The following STEAP1B variants were observed in gnomAD, a reference collection of about 807,000 sequenced individuals.
The protein encoded by STEAP1B is STEAP family member 1B.
In STEAP1B, 13 loss-of-function variants were observed where a neutral mutation model predicts 27.9. The observed-to-expected ratio is 0.47, with a 90% CI of 0.30 to 0.74. The LOEUF (loss-of-function observed/expected upper bound fraction) is 0.74. Ranked by LOEUF, STEAP1B falls within the 30% of genes least tolerant of loss-of-function variation. The pLI is 0.06. For synonymous variants in STEAP1B, 86 were observed against 107.1 expected (o/e 0.80, Z 1.22); for missense variants, 250 against 298.7 (o/e 0.84, Z 1.20).
chr7:22,464,352 T>C (rs1327019543), intron 4 of STEAP1B, among the ~76,000 whole-genome samples: 1 of 152,134 alleles, frequency 6.6e-6, no homozygotes, highest in East Asian at 1.9e-4. Context: ...TGGACAGCTG[T>C]TCGGGTTTAC....
chr7:22,440,685 GCAGA>G (rs1219097394), intron 4 of STEAP1B, among the ~76,000 whole-genome samples: 2 of 152,008 alleles, frequency 1.3e-5, no homozygotes, highest in Non-Finnish European at 2.9e-5. Flanking sequence ...AAATAATATG[GCAGA>G]CAGTTTTATT....
intron 4 of STEAP1B, among the ~76,000 whole-genome samples, chr7:22,475,193 T>C (rs996713914): frequency 2.0e-5 from 3 of 152,192 alleles, no homozygotes; most frequent in Non-Finnish European, 2.9e-5. Context: ...CTGGCCTGCG[T>C]GTGGCTGCTC....
chr7:22,420,476 G>A (rs2128397534), intron 4 of STEAP1B, among the ~76,000 whole-genome samples: 1 of 152,328 alleles, frequency 6.6e-6, no homozygotes, highest in Non-Finnish European at 1.5e-5. Flanking sequence ...TTCACATTCA[G>A]GGAAGTCACA....
chr7:22,453,269 G>C (rs931804437), intron 4 of STEAP1B, among the ~76,000 whole-genome samples: 5 of 152,336 alleles, frequency 3.3e-5, no homozygotes, highest in Admixed American at 3.3e-4. Context: ...AAGGTCTCAT[G>C]ATGTGCAGAA....
rs74527540 is a variant in STEAP1B, at chr7:22,446,381, C to T, written c.763-26545G>A. Among the ~76,000 whole-genome samples, 459 of 152,272 alleles carry T rather than the reference C, an allele frequency of 3.0e-3. 6 individuals carry two copies. The highest frequency in any genetic ancestry group is 0.011 in the African/African-American group (444 of 41,542). On this transcript the variant is annotated intron_variant, in intron 4 of 4. Coordinates refer to ENST00000678116, the MANE Select transcript of STEAP1B (RefSeq NM_001382447.1). Reference sequence around the variant, plus strand: ...TGCCAGTGGTTCACAAAGTGAGGTCCCCAACCTGGAGCCACAGGAAATTTG... The same window carrying T: ...TGCCAGTGGTTCACAAAGTGAGGTCTCCAACCTGGAGCCACAGGAAATTTG...
chr7:22,482,635 TA>T (rs1307395322), intron 4 of STEAP1B, among the ~76,000 whole-genome samples: 2 of 152,118 alleles, frequency 1.3e-5, no homozygotes, highest in African/African-American at 2.4e-5. Flanking sequence ...CCCAGGCACA[TA>T]GGGGGAGGCA....
At chr7:22,453,667 A>G (rs1389443150) in intron 4 of STEAP1B, among the ~76,000 whole-genome samples, 1 of 152,152 alleles carries the variant, frequency 6.6e-6, no homozygotes, top group African/African-American at 2.4e-5. Flanking sequence ...CACAACATCA[A>G]ATAATCCAAA....
At chr7:22,445,580 AG>A (rs1785397522) in intron 4 of STEAP1B, among the ~76,000 whole-genome samples, 1 of 152,254 alleles carries the variant, frequency 6.6e-6, no homozygotes, top group Non-Finnish European at 1.5e-5. Context: ...GCACCTCTTC[AG>A]GGTACATCCG....
chr7:22,447,472 A>G (rs746484803), intron 4 of STEAP1B, among the ~76,000 whole-genome samples: 1 of 152,232 alleles, frequency 6.6e-6, no homozygotes, highest in African/African-American at 2.4e-5. Context: ...TATATTTTAT[A>G]TAATACATAG....
At chr7:22,436,775 T>C (rs576974662) in intron 4 of STEAP1B, among the ~76,000 whole-genome samples, 1 of 152,358 alleles carries the variant, frequency 6.6e-6, no homozygotes, top group African/African-American at 2.4e-5. Flanking sequence ...GTACCACATT[T>C]TCTTTATCTA....
intron 4 of STEAP1B, among the ~76,000 whole-genome samples, chr7:22,456,625 T>C (rs557342245): frequency 6.6e-6 from 1 of 152,168 alleles, no homozygotes; most frequent in Non-Finnish European, 1.5e-5. Context: ...ATGTTGGTGT[T>C]GATGATAGAT....
At chr7:22,448,241 T>C (rs1049863716) in intron 4 of STEAP1B, among the ~76,000 whole-genome samples, 3 of 152,224 alleles carry the variant, frequency 2.0e-5, no homozygotes, top group Non-Finnish European at 2.9e-5. Context: ...GTAGTCAATA[T>C]TGACACTTTA....
intron 4 of STEAP1B, among the ~76,000 whole-genome samples, chr7:22,420,861 A>G (rs1785035319): frequency 6.6e-6 from 1 of 152,236 alleles, no homozygotes; most frequent in Non-Finnish European, 1.5e-5. Flanking sequence ...ATTATCTTAC[A>G]GATGAAGAAA....
intron 4 of STEAP1B, among the ~76,000 whole-genome samples, chr7:22,442,520 G>C (rs1785349871): frequency 6.6e-6 from 1 of 152,354 alleles, no homozygotes; most frequent in South Asian, 2.1e-4. Context: ...GTCAAGTCTT[G>C]AAGAGCTCTT....
intron 4 of STEAP1B, among the ~76,000 whole-genome samples, chr7:22,471,418 C>G (rs1449873059): frequency 6.6e-6 from 1 of 152,174 alleles, no homozygotes; most frequent in Admixed American, 6.5e-5. Context: ...AAACCATCTG[C>G]TGCCATCCAA....
intron 4 of STEAP1B, among the ~76,000 whole-genome samples, chr7:22,430,670 T>C (rs1785172592): frequency 6.6e-6 from 1 of 152,184 alleles, no homozygotes; most frequent in Non-Finnish European, 1.5e-5. Flanking sequence ...CACAGCCCCA[T>C]GGTTTTACCT....
intron 4 of STEAP1B, among the ~76,000 whole-genome samples, chr7:22,480,494 T>C (rs888390740): frequency 1.3e-5 from 2 of 152,218 alleles, no homozygotes; most frequent in African/African-American, 4.8e-5. Flanking sequence ...ATTAAATTTA[T>C]GGCAATTTAC....
At chr7:22,428,889 A>C (rs1583627647) in intron 4 of STEAP1B, among the ~76,000 whole-genome samples, 2 of 152,334 alleles carry the variant, frequency 1.3e-5, no homozygotes, top group African/African-American at 4.8e-5. Context: ...ACCTCAATTA[A>C]AGGTGTAAAT....
At chr7:22,461,732 C>T (rs753825568) in intron 4 of STEAP1B, among the ~76,000 whole-genome samples, 18 of 152,206 alleles carry the variant, frequency 1.2e-4, no homozygotes, top group Non-Finnish European at 2.4e-4. Context: ...GGCTCTGCTG[C>T]GGTAGTTTGA....
Sources: gnomAD v4.1 joint callset for allele counts (sites outside exome capture counted in the v4.1 genomes callset) on GRCh38, gnomAD v4.1.1 for gene constraint, MANE v1.5 for transcripts, NCBI Gene and HGNC (gene_info 2026-07-23, HGNC 2026-07-21) for gene names.